Variants in RABGEF1 observed in about 807,000 individuals in gnomAD.
RABGEF1 encodes rab5 GDP/GTP exchange factor.
In RABGEF1, 26 loss-of-function variants were observed where a neutral mutation model predicts 57.3. That is an observed-to-expected ratio of 0.45 (90% CI 0.33 to 0.63). RABGEF1 has a LOEUF of 0.63. Among genes scored for constraint, RABGEF1 ranks in the 20% least tolerant of loss-of-function variants. The probability of loss-of-function intolerance (pLI) is 0.02; values close to 1 mark genes in which losing one functional copy is unlikely to be tolerated. For synonymous variants in RABGEF1, 185 were observed against 210.7 expected, an observed-to-expected ratio of 0.88 and a Z score of 1.06; for missense variants, 464 against 607.6, an observed-to-expected ratio of 0.76 and a Z score of 2.48.
intron 1 of RABGEF1, among the ~76,000 whole-genome samples, chr7:66,685,249 G>A (rs1306962273): frequency 6.6e-6 from 1 of 150,650 alleles, no homozygotes; most frequent in African/African-American, 2.4e-5. Context: ...CACCTCCTGG[G>A]TTCAAGTGAT....
chr7:66,760,682 T>G (rs1804094388), intron 1 of RABGEF1, among the ~76,000 whole-genome samples: 1 of 152,174 alleles, frequency 6.6e-6, no homozygotes, highest in Non-Finnish European at 1.5e-5. Context: ...GACCATGTGA[T>G]CTGCCCGTCT....
At chr7:66,724,004 G>A (rs773840147) in intron 2 of RABGEF1, among the ~76,000 whole-genome samples, 6 of 152,092 alleles carry the variant, frequency 3.9e-5, no homozygotes, top group Non-Finnish European at 8.8e-5. Flanking sequence ...CCTTTAGCCT[G>A]AAATTTTAAT....
intron 1 of RABGEF1, among the ~76,000 whole-genome samples, chr7:66,745,642 G>A (rs1334420357): frequency 2.6e-5 from 4 of 151,880 alleles, no homozygotes; most frequent in Admixed American, 6.6e-5. Context: ...GGTGATGTGC[G>A]CCTGTGATCT....
chr7:66,690,749 A>C (rs1261584288), intron 1 of RABGEF1, among the ~76,000 whole-genome samples: 1 of 151,792 alleles, frequency 6.6e-6, no homozygotes. Flanking sequence ...AATTTACAAA[A>C]AGAGAAAACA....
chr7:66,700,181 G>T (rs1020341736), intron 1 of RABGEF1, among the ~76,000 whole-genome samples: 1 of 152,218 alleles, frequency 6.6e-6, no homozygotes, highest in African/African-American at 2.4e-5. Context: ...GGTTCATTCT[G>T]GATCCAAGCA....
chr7:66,659,114 CA>C, the RABGEF1 span, among the ~76,000 whole-genome samples: 1 of 152,126 alleles, frequency 6.6e-6, no homozygotes, highest in South Asian at 2.1e-4. Flanking sequence ...TACAAGAAAA[CA>C]ACTGACCAAT....
intron 1 of RABGEF1, among the ~76,000 whole-genome samples, chr7:66,698,611 C>T (rs1234207874): frequency 6.6e-6 from 1 of 152,160 alleles, no homozygotes; most frequent in Non-Finnish European, 1.5e-5. Context: ...GCAGTTTAGC[C>T]TCTGCTGGTG....
intron 1 of RABGEF1, among the ~76,000 whole-genome samples, chr7:66,691,996 G>T (rs1164393626): frequency 1.3e-5 from 2 of 152,142 alleles, no homozygotes; most frequent in Middle Eastern, 3.2e-3. Context: ...GGTTGAGACT[G>T]CAGTGAGCCA....
chr7:66,713,003 T>TG (rs1794948505), intron 2 of RABGEF1, among the ~76,000 whole-genome samples: 1 of 151,418 alleles, frequency 6.6e-6, no homozygotes, highest in African/African-American at 2.4e-5. Context: ...TTTGTAGAGA[T>TG]GGGGTCTTGC....
intron 7 of RABGEF1, among the ~76,000 whole-genome samples, chr7:66,803,813 C>T (rs1044591246): frequency 2.6e-4 from 39 of 151,034 alleles, no homozygotes; most frequent in Non-Finnish European, 4.9e-4. Context: ...CGCTTGAACC[C>T]GGGAGGCGGA....
At chr7:66,777,617 G>A (rs1016162698) in intron 3 of RABGEF1, among the ~76,000 whole-genome samples, 17 of 152,100 alleles carry the variant, frequency 1.1e-4, no homozygotes, top group Admixed American at 1.1e-3. Context: ...TGCAGAGTCT[G>A]TACTTTAAAA....
chr7:66,732,423 G>A (rs74701999), intron 2 of RABGEF1, among the ~76,000 whole-genome samples: 2,226 of 152,296 alleles, frequency 0.015, 61 homozygotes, highest in East Asian at 0.093. Context: ...TAAGGTAGGA[G>A]ATGGGAGCTG....
upstream of RABGEF1, among the ~76,000 whole-genome samples, chr7:66,679,401 C>A (rs1361717344): frequency 2.0e-5 from 3 of 152,142 alleles, no homozygotes; most frequent in Non-Finnish European, 4.4e-5. Context: ...CTCAACCCCC[C>A]AGGCTCATGT....
chr7:66,658,183 T>C, the RABGEF1 span, among the ~76,000 whole-genome samples: 3 of 152,046 alleles, frequency 2.0e-5, no homozygotes, highest in African/African-American at 4.8e-5. Context: ...CCAAATGAAA[T>C]GGCAAATCTC....
At chr7:66,713,782 G>A (rs1244029270) in intron 2 of RABGEF1, among the ~76,000 whole-genome samples, 1 of 152,170 alleles carries the variant, frequency 6.6e-6, no homozygotes, top group Non-Finnish European at 1.5e-5. Flanking sequence ...ACGTTGATAT[G>A]ATCATATTGA....
Position 66,786,855 on chromosome 7 carries a change from G to A in RABGEF1, c.513+3014G>A, listed in dbSNP as rs562795237. ...TTCTTTAAAACAAGATATTTCCATT[G>A]CAAATGAGACGGGCAGCTATGTCAT... On this transcript the variant is annotated intron_variant, in intron 4 of 8. Coordinates refer to ENST00000284957, the MANE Select transcript of RABGEF1 (RefSeq NM_014504.3). Among the ~76,000 whole-genome samples the A allele has an allele frequency of 2.0e-5, 3 of 152,140 alleles. No individual in the cohort carries two copies. In the South Asian group the frequency reaches 6.2e-4, roughly 32 times the overall value.
chr7:66,766,908 A>C (rs756089840), intron 1 of RABGEF1, among the ~76,000 whole-genome samples: 2 of 151,386 alleles, frequency 1.3e-5, no homozygotes, highest in Non-Finnish European at 2.9e-5. Flanking sequence ...TGTTACCTCA[A>C]GTCCTCTAAT....
At position 66,775,387 on chromosome 7, in the gene RABGEF1, A is replaced by C; in HGVS notation, c.340A>C (p.Lys114Gln). The stretch of plus-strand genomic sequence containing the variant: ...CAGTGCATCTTCCAGGGTCGGATCA[A>C]AGAAGGGTAATGTTCTGATACTCTT... ...FFSASSRVGS[K>Q]KEIQEAKAPS... The change falls in exon 3 of 9, where the codon AAG (lysine) becomes CAG (glutamine). Residue 114 changes from lysine to glutamine, a missense_variant. By Grantham distance (53) the Lys-to-Gln change is moderately conservative (BLOSUM62 1). Coordinates refer to ENST00000284957, the MANE Select transcript of RABGEF1 (RefSeq NM_014504.3). 1 of 1,613,828 alleles carries C rather than the reference A, an allele frequency of 6.2e-7. No homozygotes were observed. Among genetic ancestry groups the C allele is most frequent in the Non-Finnish European group, 8.5e-7 (1 of 1,179,772 alleles).
At chr7:66,688,605 C>T (rs570578378) in intron 1 of RABGEF1, among the ~76,000 whole-genome samples, 18 of 152,230 alleles carry the variant, frequency 1.2e-4, no homozygotes, top group African/African-American at 4.3e-4. Context: ...CATCAGTAAC[C>T]AGCAAAACTC....
Sources: gnomAD v4.1 joint callset for allele counts (sites outside exome capture counted in the v4.1 genomes callset) on GRCh38, gnomAD v4.1.1 for gene constraint, MANE v1.5 for transcripts, NCBI Gene and HGNC (gene_info 2026-07-23, HGNC 2026-07-21) for gene names.